Variants in IKZF4 observed in about 807,000 individuals in gnomAD.
IKZF4 encodes zinc finger protein Eos.
Under a neutral mutation model 47.7 loss-of-function variants are expected in IKZF4, and 11 were observed. The ratio of observed to expected loss-of-function variants is 0.23; its 90% confidence interval spans 0.15 to 0.38. The LOEUF (loss-of-function observed/expected upper bound fraction) is 0.38. Among genes scored for constraint, IKZF4 ranks in the 10% least tolerant of loss-of-function variants. The probability of loss-of-function intolerance (pLI) is 1.00; values close to 1 mark genes in which losing one functional copy is unlikely to be tolerated. For missense variants in IKZF4, 557 were observed against 784.9 expected, an observed-to-expected ratio of 0.71 and a Z score of 3.47; for synonymous variants, 298 against 299.4, an observed-to-expected ratio of 1.00 and a Z score of 0.05.
rs1895700204 is a variant in IKZF4, at chr12:56,037,247, T to G, written c.*1916T>G. On this transcript the variant is annotated 3_prime_UTR_variant, in exon 8 of 8. Coordinates refer to ENST00000547167, the MANE Select transcript of IKZF4 (RefSeq NM_022465.4). ...TGAGGTTTCCCCAAGAGAACCAGAT[T>G]GGCAGGGAGAAGCATTGTGGGGCAA... 1 of 152,738 alleles carries G rather than the reference T, an allele frequency of 6.5e-6. No homozygotes were observed. The highest frequency in any genetic ancestry group is 2.1e-4 in the South Asian group (1 of 4,824). 9.5% of individuals were successfully genotyped at this position (152,738 alleles called of 1,614,324 possible). A position where few individuals can be genotyped will look rare whatever the true frequency, so the allele number is the denominator to read the frequency against.
intron 1 of IKZF4, 21 bp from the exon 2 acceptor site, chr12:56,023,650 T>C: frequency 6.2e-7 from 1 of 1,612,728 alleles, no homozygotes; most frequent in Non-Finnish European, 8.5e-7. Context: ...TGAGTGGTTG[T>C]TTTCTTCCCA....
chr12:56,027,912 G>A lies in IKZF4; in HGVS notation c.680G>A (p.Arg227His). 1.3e-6 allele frequency: 2 copies of A among 1,585,618 alleles called. No homozygotes were observed. Among genetic ancestry groups the A allele is most frequent in the Non-Finnish European group, 8.6e-7 (1 of 1,165,846 alleles). ...TTCTGCAACTATGCCTGCCGCCGGC[G>A]TGATGCACTCACTGGTCACCTCCGC... is the stretch of plus-strand genomic sequence containing the variant. The part of the protein sequence containing the change: ...CPFCNYACRR[R>H]DALTGHLRTH... Residue 227 changes from arginine (R) to histidine (H), a missense_variant, in exon 5 of 8, where the codon CGT (arginine) becomes CAT (histidine). By Grantham distance (29) the Arg-to-His change is conservative. This residue lies in a region of IKZF4 where 72 missense variants were observed against 112.4 expected (regional missense o/e 0.64). Transcript: ENST00000547167.
chr12:56,033,922 C>T (rs559239582), intron 7 of IKZF4, among the ~76,000 whole-genome samples: 14 of 152,024 alleles, frequency 9.2e-5, no homozygotes, highest in African/African-American at 2.9e-4. Flanking sequence ...GTTTTTGAGA[C>T]GGAGTCTTGC....
chr12:56,021,659 C>G, intron 1 of IKZF4, 79 bp downstream of exon 1: 2 of 1,537,906 alleles, frequency 1.3e-6, no homozygotes, highest in East Asian at 4.9e-5. Context: ...TAACTACTCC[C>G]AAGCCTGAGG....
chr12:56,024,990 T>A (rs1826340206), intron 2 of IKZF4, 64 bp from the exon 3 acceptor site: 1 of 1,550,956 alleles, frequency 6.4e-7, no homozygotes, highest in Non-Finnish European at 8.7e-7. Flanking sequence ...TTTAAAAGAT[T>A]AGGCAATGGA....
Position 56,021,508 on chromosome 12 carries a change from C to A in IKZF4, c.15C>A (p.Pro5=). 6.2e-7 allele frequency: 1 copy of A among 1,604,906 alleles called. No individual in the cohort carries two copies. The highest frequency in any genetic ancestry group is 2.3e-5 in the East Asian group (1 of 44,256). The change falls in exon 1 of 8, where the codon CCC becomes CCA. Residue 5 remains proline, a synonymous_variant. Transcript: ENST00000547167. The part of the protein sequence containing the change: MHTP[P]ALPRRFQGGG... ...GAGACGCAGACATGCATACACCACCCGCACTCCCTCGCCGTTTCCAAGGCG... is the reference window on the plus strand; with the variant it reads ...GAGACGCAGACATGCATACACCACCAGCACTCCCTCGCCGTTTCCAAGGCG...
At chr12:56,030,155 T>G (rs1008610690) in intron 5 of IKZF4, among the ~76,000 whole-genome samples, 4 of 151,950 alleles carry the variant, frequency 2.6e-5, no homozygotes. Flanking sequence ...GTGGCTCACG[T>G]CTATCATCCC....
rs1156610475 is a variant in IKZF4, at chr12:56,023,778, T to C, written c.181+14T>C. Reference sequence around the variant, plus strand: ...TATTTTGTGAAAGTAAGTATGTGCATAGCTGGGCAATTGGGTAAAGTACTA... The same window carrying C: ...TATTTTGTGAAAGTAAGTATGTGCACAGCTGGGCAATTGGGTAAAGTACTA... On this transcript the variant is annotated intron_variant, in intron 2 of 7. Transcript: ENST00000547167. 6.2e-7 allele frequency: 1 copy of C among 1,612,220 alleles called. No individual in the cohort carries two copies. The highest frequency in any genetic ancestry group is 8.5e-7 in the Non-Finnish European group (1 of 1,178,950).
intron 7 of IKZF4, 118 bp from the exon 8 acceptor site, chr12:56,034,453 A>T (rs984117218): frequency 1.2e-5 from 13 of 1,060,630 alleles, no homozygotes; most frequent in Middle Eastern, 4.5e-4. Context: ...GCGAAAGTAA[A>T]TGCCACGTAG....
intron 7 of IKZF4, among the ~76,000 whole-genome samples, 194 bp downstream of exon 7, chr12:56,033,515 G>A (rs533569918): frequency 3.9e-5 from 6 of 152,150 alleles, no homozygotes; most frequent in Non-Finnish European, 5.9e-5. Flanking sequence ...AGACCATCCC[G>A]GTTAACACAG....
upstream of IKZF4, chr12:56,020,850 A>T (rs986076159): frequency 1.3e-6 from 1 of 794,864 alleles, no homozygotes; most frequent in African/African-American, 1.9e-5. Flanking sequence ...TTCCTCCTGG[A>T]GGAGGAGGGA....
rs1342174588 is a variant in IKZF4, at chr12:56,021,153, C to G, written c.-341C>G. ...CTGTGCACACACCCACCACCCACCC[C>G]CTTCACTGTCTTGGAAAAGGGATGC... On this transcript the variant is annotated 5_prime_UTR_variant, in exon 1 of 8. Transcript: ENST00000547167. The G allele has an allele frequency of 6.4e-6, 9 of 1,398,084 alleles. No individual in the cohort carries two copies. Among genetic ancestry groups the G allele is most frequent in the Middle Eastern group, 2.7e-4 (1 of 3,754 alleles). 86.6% of individuals were successfully genotyped at this position (1,398,084 alleles called of 1,614,324 possible). A position where few individuals can be genotyped will look rare whatever the true frequency, so the allele number is the denominator to read the frequency against.
At chr12:56,010,102 C>G (rs2136532726) in intron 1 of IKZF4, 1 of 152,136 alleles carries the variant, frequency 6.6e-6, no homozygotes, top group South Asian at 2.1e-4. Context: ...GTATTTCTAG[C>G]CTCGTTTTAC....
chr12:56,020,066 T>C (rs1324984843), upstream of IKZF4, among the ~76,000 whole-genome samples: 3 of 152,240 alleles, frequency 2.0e-5, no homozygotes, highest in Admixed American at 6.5e-5. Context: ...AAGAGTCATA[T>C]GGAAGCAGAG....
chr12:56,033,141 T>C (rs370714440), intron 6 of IKZF4, 49 bp from the exon 7 acceptor site: 202 of 1,605,052 alleles, frequency 1.3e-4, no homozygotes, highest in Non-Finnish European at 1.7e-4. Context: ...GTGGGGCCAA[T>C]GCTACCCCTA....
Position 56,027,804 on chromosome 12 carries a change from A to G in IKZF4, c.572A>G (p.Gln191Arg). The G allele has an allele frequency of 6.2e-7, 1 of 1,613,364 alleles. No individual in the cohort carries two copies. Among genetic ancestry groups the G allele is most frequent in the Non-Finnish European group, 8.5e-7 (1 of 1,179,592 alleles). ...HTGERPFHCNQCGASFTQKGN... is the reference protein window; with the variant it reads ...HTGERPFHCNRCGASFTQKGN... ...GGTGAAAGGCCCTTCCATTGCAACC[A>G]GTGTGGTGCCTCCTTCACCCAGAAG... Residue 191 changes from glutamine to arginine, a missense_variant, in exon 5 of 8, where the codon CAG becomes CGG. Transcript: ENST00000547167.
upstream of IKZF4, among the ~76,000 whole-genome samples, chr12:56,017,140 A>G (rs531816689): frequency 6.6e-6 from 1 of 151,422 alleles, no homozygotes; most frequent in Non-Finnish European, 1.5e-5. Flanking sequence ...AAGTGTTCTC[A>G]GTTCCCGATT....
intron 2 of IKZF4, among the ~76,000 whole-genome samples, chr12:56,013,288 G>T (rs2017445): frequency 0.091 from 13,752 of 151,742 alleles, 726 homozygotes; most frequent in African/African-American, 0.13. Context: ...CTCTGCCTCC[G>T]GGGTTCAAAC....
At chr12:56,033,566 G>A (rs1895209938) in intron 7 of IKZF4, among the ~76,000 whole-genome samples, 1 of 152,060 alleles carries the variant, frequency 6.6e-6, no homozygotes, top group African/African-American at 2.4e-5. Context: ...AATTAGCCGG[G>A]CGTGGTGGCG....
Sources: allele counts gnomAD v4.1 joint callset (sites outside exome capture counted in the v4.1 genomes callset), GRCh38; gene constraint gnomAD v4.1.1; regional missense constraint gnomAD v4.1.1; transcripts MANE v1.5; gene names NCBI Gene and HGNC (gene_info 2026-07-23, HGNC 2026-07-21).